The following MAST4 variants were observed in gnomAD, a reference collection of about 807,000 sequenced individuals.
The protein encoded by MAST4 is microtubule-associated serine/threonine-protein kinase 4.
A neutral mutation model predicts 162.7 loss-of-function variants in MAST4; 89 were observed. The observed-to-expected ratio is 0.55, with a 90% CI of 0.46 to 0.65. The LOEUF (loss-of-function observed/expected upper bound fraction) is 0.65. MAST4 is among the 30% of genes least tolerant of loss of function. The pLI is 0.00. For synonymous variants in MAST4, 1,479 were observed against 1,361.1 expected (o/e 1.09, Z -1.91); for missense variants, 3,153 against 3,374.0 (o/e 0.93, Z 1.62).
At position 66,901,074 on chromosome 5, in the gene MAST4, A is replaced by T. The variant is rs889213857; in HGVS notation, c.674+1092A>T. On this transcript the variant is annotated intron_variant, in intron 4 of 28. Transcript: ENST00000403625. Reference sequence around the variant, plus strand: ...AATTAACTCTTTCCTCTTCTGCATCATGATTAGGACTCTGTTGCCGAAACT... The same window carrying T: ...AATTAACTCTTTCCTCTTCTGCATCTTGATTAGGACTCTGTTGCCGAAACT... 2.6e-5 allele frequency among the ~76,000 whole-genome samples: 4 copies of T among 152,280 alleles called. No homozygotes were observed. The South Asian group carries it at 8.3e-4, about 32-fold the overall frequency.
intron 5 of MAST4, among the ~76,000 whole-genome samples, chr5:67,062,541 G>C (rs1759753686): frequency 6.6e-6 from 1 of 151,976 alleles, no homozygotes; most frequent in Non-Finnish European, 1.5e-5. Flanking sequence ...CTGCTTTATA[G>C]ATCTTTAATA....
chr5:66,695,972 A>T (rs917207285), intron 1 of MAST4, among the ~76,000 whole-genome samples: 2 of 152,186 alleles, frequency 1.3e-5, no homozygotes, highest in African/African-American at 4.8e-5. Context: ...TCAATGATAG[A>T]CTGGATAAAG....
At chr5:66,916,339 T>G (rs1764119022) in intron 4 of MAST4, among the ~76,000 whole-genome samples, 1 of 152,104 alleles carries the variant, frequency 6.6e-6, no homozygotes, top group Non-Finnish European at 1.5e-5. Flanking sequence ...AGAGATGGAA[T>G]GGATATTAAG....
At chr5:67,009,905 G>C (rs1339040612) in intron 4 of MAST4, among the ~76,000 whole-genome samples, 1 of 152,170 alleles carries the variant, frequency 6.6e-6, no homozygotes, top group Non-Finnish European at 1.5e-5. Flanking sequence ...TGAGAGATAT[G>C]AAGGATATGA....
At position 67,131,866 on chromosome 5, in the gene MAST4, G is replaced by T; in HGVS notation, c.2008G>T (p.Ala670Ser). The T allele has an allele frequency of 1.2e-6, 2 of 1,613,196 alleles. No homozygotes were observed. Among genetic ancestry groups the T allele is most frequent in the Non-Finnish European group, 1.7e-6 (2 of 1,179,360 alleles). Residue 670 changes from alanine to serine, a missense_variant, in exon 16 of 29, where the codon GCC becomes TCC. By Grantham distance (99) the Ala-to-Ser change is moderately conservative. This residue lies in a region of MAST4 where 131 missense variants were observed against 253.8 expected (regional missense o/e 0.52). Coordinates refer to ENST00000403625, the MANE Select transcript of MAST4 (RefSeq NM_001164664.2). ...CATGGGTCCTCTCCCTGTTGATATG[G>T]CCAGAATGTACTTTGCTGAGACGGT... The part of the protein sequence containing the change: ...KNMGPLPVDM[A>S]RMYFAETVLA...
chr5:66,790,529 TG>T (rs1273095333), intron 3 of MAST4, among the ~76,000 whole-genome samples: 23 of 152,328 alleles, frequency 1.5e-4, no homozygotes, highest in African/African-American at 5.5e-4. Flanking sequence ...ATGAAAATAT[TG>T]GGACTTTTAG....
At chr5:66,972,578 G>C (rs2150204698) in intron 4 of MAST4, among the ~76,000 whole-genome samples, 1 of 152,290 alleles carries the variant, frequency 6.6e-6, no homozygotes, top group South Asian at 2.1e-4. Context: ...CCACTAGGAA[G>C]TCCTGTTGAT....
chr5:67,048,518 AT>A (rs35346612), intron 4 of MAST4, among the ~76,000 whole-genome samples: 1 of 152,142 alleles, frequency 6.6e-6, no homozygotes, highest in Admixed American at 6.5e-5. Flanking sequence ...GTTCAAAGAG[AT>A]TTTTTTAAAA....
At chr5:66,923,275 A>T (rs546467842) in intron 4 of MAST4, among the ~76,000 whole-genome samples, 1 of 152,334 alleles carries the variant, frequency 6.6e-6, no homozygotes, top group South Asian at 2.1e-4. Context: ...ACTGATTAAA[A>T]GAAACGCTGG....
At chr5:66,756,079 T>C (rs1454455131) in intron 1 of MAST4, among the ~76,000 whole-genome samples, 1 of 152,244 alleles carries the variant, frequency 6.6e-6, no homozygotes, top group Non-Finnish European at 1.5e-5. Context: ...TCCCTTAAGA[T>C]GCTAACATGT....
At chr5:67,146,064 C>T (rs1455943655) in intron 23 of MAST4, among the ~76,000 whole-genome samples, 1 of 152,192 alleles carries the variant, frequency 6.6e-6, no homozygotes, top group African/African-American at 2.4e-5. Flanking sequence ...TGAAATAACT[C>T]CACTGAAGAC....
chr5:67,033,037 G>A (rs567907614), intron 4 of MAST4, among the ~76,000 whole-genome samples: 7 of 151,964 alleles, frequency 4.6e-5, no homozygotes, highest in South Asian at 2.1e-4. Flanking sequence ...CCATGCTTAC[G>A]AAGACTTTCA....
chr5:66,892,237 A>G (rs548864210), intron 3 of MAST4, among the ~76,000 whole-genome samples: 5 of 152,314 alleles, frequency 3.3e-5, no homozygotes, highest in Non-Finnish European at 5.9e-5. Flanking sequence ...GTTCCACTGT[A>G]TTTTGTTAGC....
At chr5:66,602,501 C>T (rs1454206996) in intron 1 of MAST4, among the ~76,000 whole-genome samples, 1 of 151,738 alleles carries the variant, frequency 6.6e-6, no homozygotes, top group African/African-American at 2.4e-5. Flanking sequence ...TGCAGGAGTC[C>T]AGGCGGATTT....
rs769190700 is a variant in MAST4, at chr5:67,131,919, T to C, written c.2061T>C (p.Tyr687=). The C allele has an allele frequency of 6.2e-7, 1 of 1,613,214 alleles. No homozygotes were observed. Among genetic ancestry groups the C allele is most frequent in the South Asian group, 1.1e-5 (1 of 91,050 alleles). The change falls in exon 16 of 29, where the codon TAT becomes TAC. Residue 687 remains tyrosine (Y), a synonymous_variant. Transcript: ENST00000403625. ...TVLALEYLHN[Y]GIVHRDLKPD... ...TGGCCTTGGAATATTTACATAATTATGGAATTGTACACAGGGATTTGAAAC... is the reference window on the plus strand; with the variant it reads ...TGGCCTTGGAATATTTACATAATTACGGAATTGTACACAGGGATTTGAAAC...
intron 3 of MAST4, among the ~76,000 whole-genome samples, chr5:66,826,829 A>G (rs17214805): frequency 0.25 from 37,701 of 152,180 alleles, 5,801 homozygotes; most frequent in Non-Finnish European, 0.35. Context: ...GCAGATAGCA[A>G]TGACACTGTA....
At chr5:66,738,177 C>CT (rs1278475162) in intron 1 of MAST4, 3 of 152,244 alleles carry the variant, frequency 2.0e-5, no homozygotes, top group African/African-American at 7.2e-5. Flanking sequence ...GACTGAGGCT[C>CT]TACCTGGCAG....
At chr5:67,100,919 C>T (rs937461640) in intron 8 of MAST4, among the ~76,000 whole-genome samples, 6 of 152,150 alleles carry the variant, frequency 3.9e-5, no homozygotes, top group Non-Finnish European at 7.4e-5. Context: ...GCAACAGCTT[C>T]GTGGAAATAG....
chr5:66,793,179 G>A (rs1755497107), intron 3 of MAST4, among the ~76,000 whole-genome samples: 2 of 152,134 alleles, frequency 1.3e-5, no homozygotes, highest in African/African-American at 4.8e-5. Flanking sequence ...GTTTTCCTTG[G>A]CTATGCTAAA....
Sources: allele counts gnomAD v4.1 joint callset (sites outside exome capture counted in the v4.1 genomes callset), GRCh38; gene constraint gnomAD v4.1.1; regional missense constraint gnomAD v4.1.1; transcripts MANE v1.5; gene names NCBI Gene and HGNC (gene_info 2026-07-23, HGNC 2026-07-21).